Variants in SNX8 observed in about 807,000 individuals in gnomAD.
The protein encoded by SNX8 is sorting nexin 8, also known as sorting nexin-8.
In SNX8, 25 loss-of-function variants were observed where a neutral mutation model predicts 51.6. The ratio of observed to expected loss-of-function variants is 0.48; its 90% CI spans 0.35 to 0.68. The LOEUF is 0.68. SNX8 is among the 30% of genes least tolerant of loss of function. The pLI, the probability that SNX8 is intolerant of heterozygous loss-of-function variation, is 0.00. For missense variants in SNX8, 695 were observed against 624.0 expected (o/e 1.11, Z -1.21); for synonymous variants, 324 against 277.0 (o/e 1.17, Z -1.68).
At chr7:2,255,192 A>G in intron 10 of SNX8, 23 bp from the exon 11 acceptor site, 1 of 1,452,954 alleles carries the variant, frequency 6.9e-7, no homozygotes, top group Non-Finnish European at 9.3e-7. Flanking sequence ...CGAAGAGAAC[A>G]AGATCAGCAG....
At chr7:2,322,366 C>A (rs2115226014) in intron 1 of SNX8, among the ~76,000 whole-genome samples, 1 of 152,144 alleles carries the variant, frequency 6.6e-6, no homozygotes, top group Admixed American at 6.6e-5. Flanking sequence ...CCACCGTATT[C>A]CAGCCTGGGC....
intron 2 of SNX8, 33 bp from the exon 3 acceptor site, chr7:2,275,262 G>T: frequency 6.9e-7 from 1 of 1,446,714 alleles, no homozygotes; most frequent in Non-Finnish European, 9.7e-7. Flanking sequence ...TAGATCCGAC[G>T]TTGGAAACTA....
chr7:2,258,096 C>T (rs1268733324), intron 7 of SNX8, among the ~76,000 whole-genome samples: 1 of 151,670 alleles, frequency 6.6e-6, no homozygotes, highest in Non-Finnish European at 1.5e-5. Flanking sequence ...CTGCAAGCTC[C>T]GCCTCCCGGG....
intron 7 of SNX8, among the ~76,000 whole-genome samples, chr7:2,258,243 C>G (rs1795244961): frequency 6.6e-6 from 1 of 152,074 alleles, no homozygotes; most frequent in African/African-American, 2.4e-5. Context: ...GTCTTGATCT[C>G]CAGACCTCGT....
intron 1 of SNX8, among the ~76,000 whole-genome samples, chr7:2,342,944 G>A (rs1227796894): frequency 1.3e-5 from 2 of 151,528 alleles, no homozygotes; most frequent in South Asian, 2.1e-4. Flanking sequence ...TGCCTCAGGC[G>A]CCCACCACCG....
intron 1 of SNX8, among the ~76,000 whole-genome samples, chr7:2,338,397 G>A (rs967706180): frequency 6.6e-6 from 1 of 151,824 alleles, no homozygotes; most frequent in Non-Finnish European, 1.5e-5. Flanking sequence ...GGGAGGCAGA[G>A]GTTGCAGTGA....
chr7:2,303,553 G>T (rs924576877), intron 1 of SNX8, among the ~76,000 whole-genome samples: 2 of 152,220 alleles, frequency 1.3e-5, no homozygotes, highest in Non-Finnish European at 2.9e-5. Flanking sequence ...TCGGATGGTT[G>T]CCGTGTCTGT....
At chr7:2,323,244 C>T (rs1247566722) in intron 1 of SNX8, among the ~76,000 whole-genome samples, 2 of 146,244 alleles carry the variant, frequency 1.4e-5, no homozygotes, top group Non-Finnish European at 3.0e-5. Context: ...GCATGAAAAT[C>T]GCTTGAACTT....
chr7:2,329,803 G>A (rs1320001547), intron 1 of SNX8, among the ~76,000 whole-genome samples: 3 of 151,136 alleles, frequency 2.0e-5, no homozygotes, highest in Non-Finnish European at 4.4e-5. Flanking sequence ...GCCCTAGTCA[G>A]CTCTTCATCC....
At chr7:2,296,958 C>A (rs1796286767) in intron 1 of SNX8, among the ~76,000 whole-genome samples, 1 of 151,614 alleles carries the variant, frequency 6.6e-6, no homozygotes, top group South Asian at 2.1e-4. Flanking sequence ...ATACAAATGG[C>A]CAAAAAATAT....
intron 5 of SNX8, among the ~76,000 whole-genome samples, chr7:2,268,577 C>T (rs1407803964): frequency 8.3e-5 from 12 of 145,282 alleles, no homozygotes; most frequent in East Asian, 2.1e-4. Flanking sequence ...CCTGGCCAGC[C>T]GCCCTGTCCG....
intron 10 of SNX8, 89 bp downstream of exon 10, chr7:2,256,781 GCGGC>G: frequency 1.5e-6 from 2 of 1,340,732 alleles, no homozygotes; most frequent in Non-Finnish European, 2.0e-6. Context: ...CCTCTCTAGG[GCGGC>G]CGGCCACCGC....
chr7:2,255,590 T>C (rs936424476), intron 10 of SNX8, among the ~76,000 whole-genome samples: 1 of 152,166 alleles, frequency 6.6e-6, no homozygotes, highest in Non-Finnish European at 1.5e-5. Flanking sequence ...ATCAGAAATA[T>C]GAGTCGGATG....
chr7:2,277,523 G>C lies in SNX8; in HGVS notation c.300+577C>G, dbSNP rs147687634. Among the ~76,000 whole-genome samples, 889 of 152,288 alleles carry C rather than the reference G, an allele frequency of 5.8e-3. 9 individuals carry two copies. Among genetic ancestry groups the C allele is most frequent in the African/African-American group, 0.02 (827 of 41,554 alleles). Reference sequence around the variant, plus strand: ...TTCCTAAGAAACAGGCCTCCAGGCCGGGCGCGGTGGCTCACGCCAGTAATC... The same window carrying C: ...TTCCTAAGAAACAGGCCTCCAGGCCCGGCGCGGTGGCTCACGCCAGTAATC... On this transcript the variant is annotated intron_variant, in intron 2 of 10. Transcript: ENST00000222990.
intron 1 of SNX8, among the ~76,000 whole-genome samples, chr7:2,324,171 G>A (rs192504713): frequency 1.1e-4 from 16 of 152,072 alleles, no homozygotes; most frequent in Non-Finnish European, 1.9e-4. Flanking sequence ...CTGGCCGGGG[G>A]CAGTGGCTCA....
intron 1 of SNX8, among the ~76,000 whole-genome samples, chr7:2,295,947 C>T (rs970846399): frequency 3.3e-5 from 5 of 152,088 alleles, no homozygotes; most frequent in African/African-American, 1.2e-4. Context: ...TCTGTGTGCA[C>T]GTTTATACCA....
chr7:2,352,323 C>T (rs1231314922), intron 1 of SNX8, among the ~76,000 whole-genome samples: 2 of 151,986 alleles, frequency 1.3e-5, no homozygotes, highest in Non-Finnish European at 2.9e-5. Flanking sequence ...CACAGTAGCC[C>T]CCCCGACCCC....
chr7:2,262,041 CT>C (rs932225862), intron 7 of SNX8, among the ~76,000 whole-genome samples: 2 of 151,972 alleles, frequency 1.3e-5, no homozygotes, highest in Non-Finnish European at 1.5e-5. Flanking sequence ...ACTATGTCCA[CT>C]TTTTTTTGTT....
chr7:2,265,334 C>T (rs904911973), intron 5 of SNX8, among the ~76,000 whole-genome samples: 2 of 151,350 alleles, frequency 1.3e-5, no homozygotes, highest in African/African-American at 2.4e-5. Context: ...AGCGAGACTC[C>T]GTCTCAAAAA....
Sources: allele counts gnomAD v4.1 joint callset (sites outside exome capture counted in the v4.1 genomes callset), GRCh38; gene constraint gnomAD v4.1.1; transcripts MANE v1.5; gene names NCBI Gene and HGNC (gene_info 2026-07-23, HGNC 2026-07-21).